DDX60L: variants seen among roughly 807,000 people sequenced by gnomAD.
DDX60L encodes the protein DExD/H-box 60 like, also known as probable ATP-dependent RNA helicase DDX60-like.
A neutral mutation model predicts 211.6 loss-of-function variants in DDX60L; 191 were observed. The ratio of observed to expected loss-of-function variants is 0.90; its 90% CI spans 0.80 to 1.02. DDX60L has a LOEUF of 1.02. DDX60L is among the 50% of genes least tolerant of loss of function. The pLI, the probability that DDX60L is intolerant of heterozygous loss-of-function variation, is 0.00. For missense variants in DDX60L, 2,007 were observed against 1,984.1 expected, an observed-to-expected ratio of 1.01 and a Z score of -0.22; for synonymous variants, 706 against 694.1, an observed-to-expected ratio of 1.02 and a Z score of -0.27.
chr4:168,358,530 T>TC (rs1032917600), intron 37 of DDX60L, among the ~76,000 whole-genome samples: 2 of 139,346 alleles, frequency 1.4e-5, no homozygotes, highest in African/African-American at 5.3e-5. Flanking sequence ...TTTTCTTTTT[T>TC]TTTTTTTTTT....
rs2149816268 is a variant in DDX60L at position 168,410,845 on chromosome 4, A to G, written c.2980-4139T>C. On this transcript the variant is annotated intron_variant, in intron 22 of 37. Coordinates refer to ENST00000682922, the MANE Select transcript of DDX60L (RefSeq NM_001012967.3). Reference sequence around the variant, plus strand: ...GATCATTTGGTAATGGGAACTTCGGACATGAATGAGGACTGCCAATACAGT... The same window carrying G: ...GATCATTTGGTAATGGGAACTTCGGGCATGAATGAGGACTGCCAATACAGT... 3.3e-5 allele frequency among the ~76,000 whole-genome samples: 5 copies of G among 152,324 alleles called. 1 individual carries two copies. The South Asian group carries it at 1.0e-3, about 32-fold the overall frequency.
chr4:168,464,635 A>G (rs1317770962), intron 4 of DDX60L, among the ~76,000 whole-genome samples: 1 of 152,142 alleles, frequency 6.6e-6, no homozygotes, highest in African/African-American at 2.4e-5. Context: ...TATACAATGC[A>G]TAATGATCAA....
At chr4:168,414,346 G>A (rs1215687846) in intron 22 of DDX60L, among the ~76,000 whole-genome samples, 1 of 152,080 alleles carries the variant, frequency 6.6e-6, no homozygotes, top group Non-Finnish European at 1.5e-5. Context: ...ATTGTGATAT[G>A]AGTATATCTT....
At chr4:168,406,209 C>A in intron 23 of DDX60L, 131 bp from the exon 24 acceptor site, 1 of 801,096 alleles carries the variant, frequency 1.2e-6, no homozygotes. Context: ...GGCTGTTGAA[C>A]ATCTTTTTAC....
Position 168,461,691 on chromosome 4 carries a change from T to C in DDX60L, c.606+8A>G. 6.7e-7 allele frequency: 1 copy of C among 1,497,382 alleles called. No homozygotes were observed. The highest frequency in any genetic ancestry group is 8.9e-7 in the Non-Finnish European group (1 of 1,120,210). 92.8% of individuals were successfully genotyped at this position (1,497,382 alleles called of 1,614,324 possible). On this transcript the variant is annotated splice_region_variant and intron_variant, in intron 5 of 37. Transcript: ENST00000682922. ...TCAGGAAAAAAATGAGTTATTAATG[T>C]CAATTACCTCCTTGGAAAAAGTTTG...
chr4:168,407,556 C>A lies in DDX60L; in HGVS notation c.2980-850G>T, dbSNP rs117466247. Among the ~76,000 whole-genome samples, 104 of 152,268 alleles carry A rather than the reference C, an allele frequency of 6.8e-4. 3 individuals carry two copies. In the East Asian group the frequency reaches 0.017, roughly 24 times the overall value. On this transcript the variant is annotated intron_variant, in intron 22 of 37. Transcript: ENST00000682922. ...GGAAAGGCCCTATTAAGCAAGTTAACCAAGTATCTTTATGTCAAGGTTTCT... is the reference window on the plus strand; with the variant it reads ...GGAAAGGCCCTATTAAGCAAGTTAAACAAGTATCTTTATGTCAAGGTTTCT...
chr4:168,466,709 A>G (rs906798145), intron 4 of DDX60L, among the ~76,000 whole-genome samples: 2 of 152,126 alleles, frequency 1.3e-5, no homozygotes, highest in Admixed American at 1.3e-4. Context: ...ATAAAGTCTT[A>G]TTTTGCTGTA....
At chr4:168,390,428 A>T (rs918672376) in intron 29 of DDX60L, 29 of 1,312,948 alleles carry the variant, frequency 2.2e-5, no homozygotes, top group Non-Finnish European at 2.6e-5. Context: ...ATGGCTTTTA[A>T]AGTTGAAACA....
At chr4:168,367,314 TC>T (rs1297254663) in intron 36 of DDX60L, among the ~76,000 whole-genome samples, 3 of 152,194 alleles carry the variant, frequency 2.0e-5, no homozygotes, top group Non-Finnish European at 4.4e-5. Flanking sequence ...GCACTGTTCT[TC>T]TGATAGTGAA....
At chr4:168,425,097 T>C (rs1349171216) in intron 14 of DDX60L, among the ~76,000 whole-genome samples, 1 of 152,198 alleles carries the variant, frequency 6.6e-6, no homozygotes, top group Non-Finnish European at 1.5e-5. Flanking sequence ...AACGGTACAA[T>C]ACGATGATAG....
chr4:168,473,590 G>A (rs988921359), intron 1 of DDX60L, among the ~76,000 whole-genome samples: 1 of 152,200 alleles, frequency 6.6e-6, no homozygotes, highest in Non-Finnish European at 1.5e-5. Flanking sequence ...GGACGATGGG[G>A]CTTGAACAAA....
intron 14 of DDX60L, among the ~76,000 whole-genome samples, chr4:168,425,499 A>C (rs2712146): frequency 0.21 from 32,592 of 152,210 alleles, 5,370 homozygotes; most frequent in African/African-American, 0.46. Context: ...CAGTGGCTCA[A>C]GCCTGTAATC....
Position 168,472,678 on chromosome 4 carries a change from T to A in DDX60L, c.4+18A>T. ...ATTGTTGCTTTATAGGCTACAAATA[T>A]CAAAGATTGAGAATTACCCATCGTT... is the stretch of plus-strand genomic sequence containing the variant. On this transcript the variant is annotated intron_variant, in intron 2 of 37. Coordinates refer to ENST00000682922, the MANE Select transcript of DDX60L (RefSeq NM_001012967.3). 1 of 1,613,308 alleles carries A rather than the reference T, an allele frequency of 6.2e-7. No individual in the cohort carries two copies. The highest frequency in any genetic ancestry group is 8.5e-7 in the Non-Finnish European group (1 of 1,179,532).
chr4:168,358,514 TTTTC>T lies in DDX60L; in HGVS notation c.4992-242_4992-239del, dbSNP rs1738518733. ...TTCACACAGTTCTTCTTTTTTTCTT[TTTTC>T]TTTTTCTTTTTTTTTTTTTTTTTTT... On this transcript the variant is annotated intron_variant, in intron 37 of 37. Coordinates refer to ENST00000682922, the MANE Select transcript of DDX60L (RefSeq NM_001012967.3). Among the ~76,000 whole-genome samples the T allele has an allele frequency of 1.4e-4, 19 of 137,100 alleles. No homozygotes were observed. In the South Asian group the frequency reaches 4.1e-3, roughly 30 times the overall value. 89.9% of individuals were successfully genotyped at this position (137,100 alleles called of 152,430 possible).
At chr4:168,402,124 CTT>C (rs60345965) in intron 25 of DDX60L, among the ~76,000 whole-genome samples, 40 of 108,474 alleles carry the variant, frequency 3.7e-4, no homozygotes, top group Middle Eastern at 5.4e-3. Context: ...ACTTCAGAGG[CTT>C]TTTTTTTTTT....
chr4:168,376,809 G>T (rs539477572), intron 33 of DDX60L, among the ~76,000 whole-genome samples: 1 of 152,284 alleles, frequency 6.6e-6, no homozygotes, highest in South Asian at 2.1e-4. Context: ...GCAAGCTCTT[G>T]GAAGGTAGCA....
chr4:168,382,609 C>T (rs535750482), intron 30 of DDX60L, among the ~76,000 whole-genome samples: 5 of 152,062 alleles, frequency 3.3e-5, no homozygotes, highest in African/African-American at 9.6e-5. Context: ...TCTAATAATT[C>T]TTTAATGTAA....
chr4:168,430,528 T>G lies in DDX60L; in HGVS notation c.1627A>C (p.Thr543Pro). The change falls in exon 13 of 38, where the codon ACT (threonine) becomes CCT (proline). Residue 543 changes from threonine (T) to proline (P), a missense_variant. Coordinates refer to ENST00000682922, the MANE Select transcript of DDX60L (RefSeq NM_001012967.3). The stretch of plus-strand genomic sequence containing the variant: ...CTGGAATCCTCCTTTGGCCGAGTAG[T>G]TTGAGTCACAATGACTTTCGTAGAG... Reference protein sequence around the residue: ...SISTKVIVTQTTRPKEDSSGA... With the variant: ...SISTKVIVTQPTRPKEDSSGA... The G allele has an allele frequency of 6.2e-7, 1 of 1,611,068 alleles. No homozygotes were observed.
At position 168,452,127 on chromosome 4, in the gene DDX60L, C is replaced by T. The variant is rs557574692; in HGVS notation, c.996+997G>A. On this transcript the variant is annotated intron_variant, in intron 8 of 37. Transcript: ENST00000682922. ...AGTTTGTATTTTTCTCCACTCCTTC[C>T]TTGGTGCTTATCACAGTGAATATGC... is the stretch of plus-strand genomic sequence containing the variant. Among the ~76,000 whole-genome samples the T allele has an allele frequency of 2.0e-4, 30 of 152,272 alleles. No homozygotes were observed. In the Middle Eastern group the frequency reaches 0.01, roughly 52 times the overall value.
Sources: allele counts gnomAD v4.1 joint callset (sites outside exome capture counted in the v4.1 genomes callset), GRCh38; gene constraint gnomAD v4.1.1; transcripts MANE v1.5; gene names NCBI Gene and HGNC (gene_info 2026-07-23, HGNC 2026-07-21).